Variants in FAM180A observed in about 807,000 individuals in gnomAD.
FAM180A encodes family with sequence similarity 180 member A, also known as protein FAM180A.
A neutral mutation model predicts 15.3 loss-of-function variants in FAM180A; 14 were observed. That is an observed-to-expected ratio of 0.92 (90% CI 0.61 to 1.43). The LOEUF (loss-of-function observed/expected upper bound fraction) is 1.43, where lower values mean the gene tolerates loss of function less well. Among genes scored for constraint, FAM180A ranks in the 40% most tolerant of loss-of-function variants. The pLI, the probability that FAM180A is intolerant of heterozygous loss-of-function variation, is 0.00. For missense variants in FAM180A, 200 were observed against 220.8 expected (o/e 0.91, Z 0.60); for synonymous variants, 90 against 96.8 (o/e 0.93, Z 0.41).
At chr7:135,737,605 A>T in intron 1 of FAM180A, among the ~76,000 whole-genome samples, 1 of 109,700 alleles carries the variant, frequency 9.1e-6, no homozygotes, top group Admixed American at 1.1e-4. Flanking sequence ...AAAAAAAAAA[A>T]AAAGAAAGAA....
rs1167890976 is a variant in FAM180A at position 135,730,202 on chromosome 7, T to C, written c.*409A>G. ...TCTGTTGATGTCTCTTGAGTGACAT[T>C]GGAGATAGCTGTGAGGATGCCAACG... On this transcript the variant is annotated 3_prime_UTR_variant, in exon 4 of 4. Transcript: ENST00000338588. 5.1e-6 allele frequency: 5 copies of C among 985,148 alleles called. No individual in the cohort carries two copies. Among genetic ancestry groups the C allele is most frequent in the Non-Finnish European group, 6.0e-6 (5 of 829,904 alleles). The allele number at this position is 985,148 out of a possible 1,614,324, so 61.0% of individuals were successfully genotyped here.
chr7:135,743,763 A>G (rs898512095), intron 1 of FAM180A, among the ~76,000 whole-genome samples: 1 of 152,070 alleles, frequency 6.6e-6, no homozygotes, highest in African/African-American at 2.4e-5. Context: ...GATTTTGTCT[A>G]TTTTGTTCAC....
chr7:135,743,217 CCT>C (rs1491298790), intron 1 of FAM180A, among the ~76,000 whole-genome samples: 2 of 99,156 alleles, frequency 2.0e-5, no homozygotes. Context: ...CCTCATTGTT[CCT>C]TTTTTTTTTT....
At position 135,730,071 on chromosome 7, in the gene FAM180A, T is replaced by G; in HGVS notation, c.*540A>C. ...GGAAAGTAAGGGGTGTTGTAAAAAG[T>G]CATTTAACAAGCATTTGATTTTAGA... On this transcript the variant is annotated 3_prime_UTR_variant, in exon 4 of 4. Transcript: ENST00000338588. 1 of 985,334 alleles carries G rather than the reference T, an allele frequency of 1.0e-6. No individual in the cohort carries two copies. The highest frequency in any genetic ancestry group is 1.2e-6 in the Non-Finnish European group (1 of 829,894). 61.0% of individuals were successfully genotyped at this position (985,334 alleles called of 1,614,324 possible).
At chr7:135,741,519 A>C (rs1472087172) in intron 1 of FAM180A, among the ~76,000 whole-genome samples, 1 of 151,442 alleles carries the variant, frequency 6.6e-6, no homozygotes, top group Non-Finnish European at 1.5e-5. Flanking sequence ...CTGTCTCAAA[A>C]AAAAAAAAAA....
chr7:135,738,826 C>T (rs1441709300), intron 1 of FAM180A, among the ~76,000 whole-genome samples: 1 of 152,192 alleles, frequency 6.6e-6, no homozygotes, highest in African/African-American at 2.4e-5. Context: ...GGTACAGCTT[C>T]TTTAAGACAC....
At chr7:135,746,837 T>C (rs1797038490) in intron 1 of FAM180A, among the ~76,000 whole-genome samples, 1 of 152,220 alleles carries the variant, frequency 6.6e-6, no homozygotes. Flanking sequence ...CTATGGCTCA[T>C]GCCTATAATC....
intron 1 of FAM180A, among the ~76,000 whole-genome samples, chr7:135,743,281 G>T (rs974682000): frequency 1.3e-5 from 2 of 149,360 alleles, no homozygotes; most frequent in South Asian, 4.2e-4. Flanking sequence ...GAGGGCAGTG[G>T]TGCAATCTGG....
At chr7:135,734,385 A>G in intron 2 of FAM180A, 66 bp from the exon 3 acceptor site, 1 of 1,444,542 alleles carries the variant, frequency 6.9e-7, no homozygotes, top group Non-Finnish European at 9.3e-7. Flanking sequence ...GTTGTTCATT[A>G]TCACGCACCT....
rs1016099223 is a variant in FAM180A, at chr7:135,730,154, A to G, written c.*457T>C. ...AGATTCAAGGTGAGGTGACAGAGCA[A>G]TGAAGTCTGCAGCAGTTAAATGTCT... On this transcript the variant is annotated 3_prime_UTR_variant, in exon 4 of 4. Transcript: ENST00000338588. The G allele has an allele frequency of 1.0e-6, 1 of 985,460 alleles. No homozygotes were observed. The highest frequency in any genetic ancestry group is 1.2e-6 in the Non-Finnish European group (1 of 829,924). 61.0% of individuals were successfully genotyped at this position (985,460 alleles called of 1,614,324 possible).
chr7:135,731,392 G>C (rs1469045844), intron 3 of FAM180A, among the ~76,000 whole-genome samples: 1 of 151,918 alleles, frequency 6.6e-6, no homozygotes, highest in African/African-American at 2.4e-5. Flanking sequence ...ACCCAGAGAA[G>C]ACTGACAGAC....
intron 3 of FAM180A, among the ~76,000 whole-genome samples, chr7:135,732,481 C>A (rs757446046): frequency 6.6e-6 from 1 of 152,122 alleles, no homozygotes; most frequent in Non-Finnish European, 1.5e-5. Flanking sequence ...TCACTTGAGG[C>A]CAGAAGTTTG....
At chr7:135,745,697 C>T (rs553630014) in intron 1 of FAM180A, among the ~76,000 whole-genome samples, 162 of 151,190 alleles carry the variant, frequency 1.1e-3, no homozygotes, top group African/African-American at 3.3e-3. Context: ...AACAACAAGG[C>T]GCATATTGCC....
rs915273338 is a variant in FAM180A, at chr7:135,748,430, T to C, written c.76+75A>G. On this transcript the variant is annotated intron_variant, in intron 1 of 3. Transcript: ENST00000338588. ...GAGAGTGCGGGGCTTCTAATGTCCT[T>C]CCCTCCAAATTTTGAATTGCATTGA... 1.0e-5 allele frequency: 12 copies of C among 1,192,106 alleles called. No homozygotes were observed. The East Asian group carries it at 1.2e-4, about 12-fold the overall frequency. The allele number at this position is 1,192,106 out of a possible 1,614,324, so 73.8% of individuals were successfully genotyped here. A position where few individuals can be genotyped will look rare whatever the true frequency, so the allele number is the denominator to read the frequency against.
At chr7:135,744,038 G>A (rs757025891) in intron 1 of FAM180A, among the ~76,000 whole-genome samples, 10 of 152,118 alleles carry the variant, frequency 6.6e-5, no homozygotes, top group African/African-American at 2.2e-4. Flanking sequence ...GGGCCTGGAC[G>A]AAGCTAGTTT....
intron 1 of FAM180A, among the ~76,000 whole-genome samples, chr7:135,746,861 A>G (rs1360056325): frequency 6.6e-6 from 1 of 152,218 alleles, no homozygotes; most frequent in Non-Finnish European, 1.5e-5. Flanking sequence ...GAACTTTGGG[A>G]GGCTGAGGTG....
At chr7:135,731,337 C>T (rs192771649) in intron 3 of FAM180A, among the ~76,000 whole-genome samples, 1 of 152,062 alleles carries the variant, frequency 6.6e-6, no homozygotes, top group East Asian at 1.9e-4. Context: ...CTGGCCGATC[C>T]CAACGCTGTC....
intron 1 of FAM180A, among the ~76,000 whole-genome samples, chr7:135,743,538 G>A (rs959539451): frequency 6.6e-6 from 1 of 151,982 alleles, no homozygotes; most frequent in Admixed American, 6.6e-5. Flanking sequence ...CTTTGCAATC[G>A]CTTGGCAAAA....
At chr7:135,734,560 T>C (rs759947852) in intron 2 of FAM180A, among the ~76,000 whole-genome samples, 1 of 152,232 alleles carries the variant, frequency 6.6e-6, no homozygotes, top group African/African-American at 2.4e-5. Context: ...ACTGGGATAT[T>C]GTGAGAGGTA....
Sources: allele counts gnomAD v4.1 joint callset (sites outside exome capture counted in the v4.1 genomes callset), GRCh38; gene constraint gnomAD v4.1.1; transcripts MANE v1.5; gene names NCBI Gene and HGNC (gene_info 2026-07-23, HGNC 2026-07-21).